ADAMTS3: variants seen among roughly 807,000 people sequenced by gnomAD.
ADAMTS3 encodes ADAM metallopeptidase with thrombospondin type 1 motif 3, also known as A disintegrin and metalloproteinase with thrombospondin motifs 3.
Under a neutral mutation model 129.0 loss-of-function variants are expected in ADAMTS3, and 73 were observed. The ratio of observed to expected loss-of-function variants is 0.57; its 90% CI spans 0.47 to 0.69. ADAMTS3 has a LOEUF of 0.69. Ranked by LOEUF, ADAMTS3 falls within the 30% of genes least tolerant of loss-of-function variation. ADAMTS3 has a pLI of 0.00. For missense variants in ADAMTS3, 1,457 were observed against 1,514.5 expected, an observed-to-expected ratio of 0.96 and a Z score of 0.63; for synonymous variants, 477 against 510.8, an observed-to-expected ratio of 0.93 and a Z score of 0.89.
At chr4:72,464,972 C>G (rs952548189) in intron 3 of ADAMTS3, among the ~76,000 whole-genome samples, 3 of 152,002 alleles carry the variant, frequency 2.0e-5, no homozygotes, top group African/African-American at 7.2e-5. Context: ...ATGTGCCAAG[C>G]ACTCCATCCA....
chr4:72,535,378 G>A (rs114855293), intron 3 of ADAMTS3, among the ~76,000 whole-genome samples: 417 of 152,168 alleles, frequency 2.7e-3, no homozygotes, highest in African/African-American at 9.1e-3. Flanking sequence ...CTCAGGCTTC[G>A]TACGATCAGC....
intron 3 of ADAMTS3, among the ~76,000 whole-genome samples, chr4:72,417,286 C>A (rs757656724): frequency 6.6e-6 from 1 of 152,164 alleles, no homozygotes; most frequent in Non-Finnish European, 1.5e-5. Flanking sequence ...GCCACTGAAG[C>A]GGTCAGCGAC....
At chr4:72,549,992 G>A (rs1278098735) in intron 2 of ADAMTS3, among the ~76,000 whole-genome samples, 2 of 8,062 alleles carry the variant, frequency 2.5e-4, no homozygotes, top group South Asian at 3.6e-3. Context: ...AGAAGAAGAA[G>A]AGGAAGAGGA....
intron 3 of ADAMTS3, among the ~76,000 whole-genome samples, chr4:72,507,905 G>A (rs915025513): frequency 1.3e-5 from 2 of 152,042 alleles, no homozygotes; most frequent in African/African-American, 2.4e-5. Context: ...CATATTTAAC[G>A]CCTTATTGCC....
intron 4 of ADAMTS3, among the ~76,000 whole-genome samples, chr4:72,359,344 A>G (rs891245659): frequency 2.0e-5 from 3 of 152,030 alleles, no homozygotes; most frequent in Non-Finnish European, 4.4e-5. Flanking sequence ...TCAAGGTATT[A>G]TTGTACAAAT....
chr4:72,336,255 C>T (rs2109827911), intron 5 of ADAMTS3, among the ~76,000 whole-genome samples: 1 of 152,288 alleles, frequency 6.6e-6, no homozygotes, highest in South Asian at 2.1e-4. Flanking sequence ...TTGCTGTTAG[C>T]TTTCTTCTAC....
intron 3 of ADAMTS3, among the ~76,000 whole-genome samples, chr4:72,441,109 A>C: frequency 6.6e-6 from 1 of 151,712 alleles, no homozygotes; most frequent in Non-Finnish European, 1.5e-5. Flanking sequence ...CTGATTTCTA[A>C]CATCATAGAT....
intron 4 of ADAMTS3, among the ~76,000 whole-genome samples, chr4:72,358,077 T>A (rs1720628309): frequency 6.6e-6 from 1 of 151,804 alleles, no homozygotes. Flanking sequence ...CGAAATTTAC[T>A]TCCTAGGGGG....
At chr4:72,370,122 C>T (rs1720966902) in intron 4 of ADAMTS3, among the ~76,000 whole-genome samples, 1 of 152,102 alleles carries the variant, frequency 6.6e-6, no homozygotes, top group Non-Finnish European at 1.5e-5. Context: ...TTCCTAGAGC[C>T]CGGTCATTTT....
intron 3 of ADAMTS3, among the ~76,000 whole-genome samples, chr4:72,520,415 T>G (rs1218729405): frequency 6.6e-6 from 1 of 152,154 alleles, no homozygotes. Flanking sequence ...ACTGCTGTCT[T>G]TTTGTTTGTC....
chr4:72,401,760 C>T (rs1222743204), intron 4 of ADAMTS3, among the ~76,000 whole-genome samples: 8 of 151,854 alleles, frequency 5.3e-5, no homozygotes, highest in Non-Finnish European at 8.8e-5. Context: ...TGACAGCTTA[C>T]TAAGAAACTA....
chr4:72,518,016 C>G (rs1250215663), intron 3 of ADAMTS3, among the ~76,000 whole-genome samples: 1 of 151,854 alleles, frequency 6.6e-6, no homozygotes, highest in East Asian at 1.9e-4. Flanking sequence ...GAATGTGTCC[C>G]AGAGATTCTG....
intron 3 of ADAMTS3, among the ~76,000 whole-genome samples, chr4:72,424,881 T>C (rs907672943): frequency 3.3e-5 from 5 of 152,118 alleles, no homozygotes; most frequent in Non-Finnish European, 7.4e-5. Flanking sequence ...TAACTTTTTA[T>C]TGGAGGTTAT....
intron 19 of ADAMTS3, among the ~76,000 whole-genome samples, chr4:72,295,108 T>C (rs1201830898): frequency 6.6e-6 from 1 of 152,050 alleles, no homozygotes; most frequent in Non-Finnish European, 1.5e-5. Flanking sequence ...AATCAAAATA[T>C]TCATTTATTC....
intron 3 of ADAMTS3, among the ~76,000 whole-genome samples, chr4:72,429,833 G>A (rs1177255581): frequency 6.6e-6 from 1 of 152,066 alleles, no homozygotes; most frequent in East Asian, 2.0e-4. Flanking sequence ...CTGCAGTTGG[G>A]TGAATATAGA....
intron 6 of ADAMTS3, among the ~76,000 whole-genome samples, chr4:72,322,014 G>C (rs1484918167): frequency 1.3e-5 from 2 of 152,120 alleles, no homozygotes; most frequent in Non-Finnish European, 2.9e-5. Context: ...CTATTTGACT[G>C]ACAGGCGAAT....
chr4:72,311,022 C>T, intron 14 of ADAMTS3, 26 bp downstream of exon 14: 2 of 1,566,632 alleles, frequency 1.3e-6, no homozygotes, highest in Admixed American at 1.8e-5. Flanking sequence ...ACGTAGAAAG[C>T]CTTTGGGGAA....
chr4:72,535,868 T>C (rs558179255), intron 3 of ADAMTS3, among the ~76,000 whole-genome samples: 2 of 152,282 alleles, frequency 1.3e-5, no homozygotes, highest in African/African-American at 4.8e-5. Flanking sequence ...CATAAAACCC[T>C]TTACCTTCTA....
chr4:72,314,449 C>A (rs1578573990), intron 11 of ADAMTS3, among the ~76,000 whole-genome samples: 1 of 152,134 alleles, frequency 6.6e-6, no homozygotes, highest in South Asian at 2.1e-4. Flanking sequence ...GCTACCAGAA[C>A]CCTAATACTA....
Sources: gnomAD v4.1 joint callset for allele counts (sites outside exome capture counted in the v4.1 genomes callset) on GRCh38, gnomAD v4.1.1 for gene constraint, MANE v1.5 for transcripts, NCBI Gene and HGNC (gene_info 2026-07-23, HGNC 2026-07-21) for gene names.